NOVA1: variants seen among roughly 807,000 people sequenced by gnomAD.
NOVA1 encodes the protein RNA-binding protein Nova-1.
NOVA1 carries 7 observed loss-of-function variants against 38.0 expected under a neutral mutation model. That is an observed-to-expected ratio of 0.18 (90% CI 0.10 to 0.35). NOVA1 has a LOEUF of 0.35. NOVA1 is among the 10% of genes least tolerant of loss of function. The pLI is 1.00. For missense variants in NOVA1, 460 were observed against 616.0 expected, an observed-to-expected ratio of 0.75 and a Z score of 2.68; for synonymous variants, 270 against 232.5, an observed-to-expected ratio of 1.16 and a Z score of -1.47.
chr14:26,454,952 A>G (rs1209700506), intron 4 of NOVA1, among the ~76,000 whole-genome samples: 1 of 152,214 alleles, frequency 6.6e-6, no homozygotes, highest in Non-Finnish European at 1.5e-5. Context: ...TGTTGAACAA[A>G]GCAAATTGAA....
At chr14:26,578,865 C>T (rs1893028136) in intron 2 of NOVA1, among the ~76,000 whole-genome samples, 1 of 152,052 alleles carries the variant, frequency 6.6e-6, no homozygotes, top group Non-Finnish European at 1.5e-5. Context: ...ATCGTCTATA[C>T]ACTGACAACA....
At chr14:26,495,321 A>G (rs2138375978) in intron 2 of NOVA1, among the ~76,000 whole-genome samples, 1 of 152,264 alleles carries the variant, frequency 6.6e-6, no homozygotes, top group East Asian at 1.9e-4. Context: ...TAATTTGCTT[A>G]CTTCATTGTT....
At chr14:26,593,588 C>T (rs963221689) in intron 2 of NOVA1, 1 of 151,878 alleles carries the variant, frequency 6.6e-6, no homozygotes. Flanking sequence ...TCACCACACA[C>T]ACAAAATTTT....
chr14:26,529,425 A>G (rs1889541907), intron 2 of NOVA1, among the ~76,000 whole-genome samples: 1 of 152,156 alleles, frequency 6.6e-6, no homozygotes, highest in South Asian at 2.1e-4. Flanking sequence ...GGCATGAGTC[A>G]CCACGCCCAG....
chr14:26,580,281 A>G (rs913039124), intron 2 of NOVA1, among the ~76,000 whole-genome samples: 9 of 152,166 alleles, frequency 5.9e-5, no homozygotes, highest in African/African-American at 7.2e-5. Flanking sequence ...TTAAATCCCA[A>G]TTAAGACTCT....
chr14:26,513,782 T>G (rs1331310642), intron 2 of NOVA1, among the ~76,000 whole-genome samples: 1 of 151,736 alleles, frequency 6.6e-6, no homozygotes, highest in Non-Finnish European at 1.5e-5. Flanking sequence ...GAAATGAAAC[T>G]ATTATTAAAA....
At chr14:26,573,081 G>A (rs1331020075) in intron 2 of NOVA1, among the ~76,000 whole-genome samples, 1 of 152,024 alleles carries the variant, frequency 6.6e-6, no homozygotes, top group Non-Finnish European at 1.5e-5. Flanking sequence ...TAACATTTAC[G>A]TGATGATTTC....
intron 2 of NOVA1, among the ~76,000 whole-genome samples, chr14:26,574,329 G>A (rs950025779): frequency 1.5e-5 from 2 of 130,692 alleles, no homozygotes; most frequent in East Asian, 2.3e-4. Flanking sequence ...GAGCCACCAC[G>A]CCCAGCCAAG....
At chr14:26,452,330 G>A (rs971977005) in intron 4 of NOVA1, among the ~76,000 whole-genome samples, 1 of 152,060 alleles carries the variant, frequency 6.6e-6, no homozygotes, top group African/African-American at 2.4e-5. Context: ...AACATTACAA[G>A]GACAGTAGTT....
At chr14:26,496,004 A>G (rs1886749283) in intron 2 of NOVA1, among the ~76,000 whole-genome samples, 1 of 138,090 alleles carries the variant, frequency 7.2e-6, no homozygotes, top group African/African-American at 2.5e-5. Context: ...TCCTTTGGGT[A>G]TATACCCAGT....
At chr14:26,500,067 A>G (rs1454345311) in intron 2 of NOVA1, among the ~76,000 whole-genome samples, 1 of 151,844 alleles carries the variant, frequency 6.6e-6, no homozygotes, top group Non-Finnish European at 1.5e-5. Context: ...TATCTTTCCA[A>G]TCTTTGGCCA....
At chr14:26,587,308 T>TAAAAAAAAA (rs34853058) in intron 2 of NOVA1, among the ~76,000 whole-genome samples, 91 of 123,456 alleles carry the variant, frequency 7.4e-4, no homozygotes, top group Non-Finnish European at 1.1e-3. Flanking sequence ...CTAAAATATA[T>TAAAAAAAAA]AAAAAAAAAA....
At chr14:26,538,686 C>A (rs535041760) in intron 2 of NOVA1, among the ~76,000 whole-genome samples, 87 of 152,098 alleles carry the variant, frequency 5.7e-4, no homozygotes, top group Non-Finnish European at 9.4e-4. Flanking sequence ...TTGCCCCCCA[C>A]TCCTTTCCCT....
In NOVA1 at chr14:26,507,838, C is replaced by T. The variant is rs140573280; in HGVS notation, c.281-27695G>A. Among the ~76,000 whole-genome samples, 164 of 152,004 alleles carry T rather than the reference C, an allele frequency of 1.1e-3. 1 individual carries two copies. The East Asian group carries it at 0.014, about 13-fold the overall frequency. On this transcript the variant is annotated intron_variant, in intron 2 of 4. Coordinates refer to ENST00000539517, the MANE Select transcript of NOVA1 (RefSeq NM_002515.3). ...ATTCATCTTAAAAAACCACTCAAAA[C>T]ATCCTTGATAAATATCCACTCCTTT...
At chr14:26,576,747 T>A (rs1227659729) in intron 2 of NOVA1, among the ~76,000 whole-genome samples, 1 of 151,862 alleles carries the variant, frequency 6.6e-6, no homozygotes, top group Non-Finnish European at 1.5e-5. Context: ...TGCCTCCTTT[T>A]TTTATTATTG....
At chr14:26,559,466 T>C (rs759208390) in intron 2 of NOVA1, among the ~76,000 whole-genome samples, 3 of 152,202 alleles carry the variant, frequency 2.0e-5, no homozygotes, top group Non-Finnish European at 4.4e-5. Context: ...CTCTTATTAT[T>C]AATTGCTGTT....
At chr14:26,490,464 T>C (rs1327794070) in intron 2 of NOVA1, among the ~76,000 whole-genome samples, 1 of 152,142 alleles carries the variant, frequency 6.6e-6, no homozygotes, top group African/African-American at 2.4e-5. Context: ...CCAACAACAG[T>C]GTAAAAGGGT....
chr14:26,497,906 A>G (rs1478869676), intron 2 of NOVA1, among the ~76,000 whole-genome samples: 4 of 152,160 alleles, frequency 2.6e-5, no homozygotes, highest in Non-Finnish European at 5.9e-5. Flanking sequence ...GTAACTATAT[A>G]CTGTTAAGAA....
At chr14:26,555,529 G>A (rs1264923264) in intron 2 of NOVA1, among the ~76,000 whole-genome samples, 1 of 152,058 alleles carries the variant, frequency 6.6e-6, no homozygotes, top group East Asian at 1.9e-4. Context: ...AAGAGAAAGT[G>A]TGAGTCAAAA....
Sources: allele counts gnomAD v4.1 joint callset (sites outside exome capture counted in the v4.1 genomes callset), GRCh38; gene constraint gnomAD v4.1.1; transcripts MANE v1.5; gene names NCBI Gene and HGNC (gene_info 2026-07-23, HGNC 2026-07-21).